DPH6: variants seen among roughly 807,000 people sequenced by gnomAD.
DPH6 encodes the protein diphthine--ammonia ligase.
DPH6 carries 33 observed loss-of-function variants against 38.2 expected under a neutral mutation model. The observed-to-expected ratio is 0.86, with a 90% CI of 0.65 to 1.15. The LOEUF (loss-of-function observed/expected upper bound fraction) is 1.15. Among genes scored for constraint, DPH6 ranks in the 50% most tolerant of loss-of-function variants. DPH6 has a pLI of 0.00. For missense variants in DPH6, 325 were observed against 320.0 expected, an observed-to-expected ratio of 1.02 and a Z score of -0.12; for synonymous variants, 108 against 103.0, an observed-to-expected ratio of 1.05 and a Z score of -0.30.
intron 3 of DPH6, among the ~76,000 whole-genome samples, chr15:35,265,649 G>A (rs2051778514): frequency 1.3e-5 from 2 of 151,868 alleles, no homozygotes; most frequent in Admixed American, 6.6e-5. Flanking sequence ...TTTTATTTTG[G>A]GATTTGAAAC....
chr15:35,344,352 C>T (rs2052445370), intron 3 of DPH6, among the ~76,000 whole-genome samples: 1 of 151,904 alleles, frequency 6.6e-6, no homozygotes, highest in Admixed American at 6.6e-5. Context: ...TATAATTAGG[C>T]TTGGGTCAAA....
intron 3 of DPH6, among the ~76,000 whole-genome samples, chr15:35,532,801 A>T (rs1482274412): frequency 6.6e-6 from 1 of 151,948 alleles, no homozygotes; most frequent in Non-Finnish European, 1.5e-5. Context: ...GGAAGAGAGA[A>T]GAGATTAAAA....
chr15:35,215,779 C>A (rs545490065), downstream of DPH6, among the ~76,000 whole-genome samples: 1 of 152,172 alleles, frequency 6.6e-6, no homozygotes, highest in Non-Finnish European at 1.5e-5. Context: ...AAGCCACTGT[C>A]GGCACTATTA....
chr15:35,457,527 A>G (rs1273431479), intron 3 of DPH6, among the ~76,000 whole-genome samples: 3 of 151,544 alleles, frequency 2.0e-5, no homozygotes, highest in Non-Finnish European at 4.4e-5. Context: ...TGAACTCCTG[A>G]CCTTAAGTGA....
At chr15:35,477,514 G>A (rs907108706) in intron 3 of DPH6, among the ~76,000 whole-genome samples, 1 of 151,788 alleles carries the variant, frequency 6.6e-6, no homozygotes, top group Non-Finnish European at 1.5e-5. Flanking sequence ...CATACACATG[G>A]ATAGTATGAT....
rs564052237 is a variant in DPH6, at chr15:35,242,920, G to A, written n.201-22338C>T. ...ATGCCCTGCTCTTGTTTACACTGCCGGTTTACACTGTTTTTCCAAGCCGTC... is the reference window on the plus strand; with the variant it reads ...ATGCCCTGCTCTTGTTTACACTGCCAGTTTACACTGTTTTTCCAAGCCGTC... On this transcript the variant is annotated intron_variant and non_coding_transcript_variant, in intron 3 of 3. Coordinates refer to the DPH6 transcript ENST00000560386. Among the ~76,000 whole-genome samples, 349 of 141,704 alleles carry A rather than the reference G, an allele frequency of 2.5e-3. 34 individuals carry two copies. The highest frequency in any genetic ancestry group is 8.0e-3 in the African/African-American group (312 of 39,098). 93.0% of individuals were successfully genotyped at this position (141,704 alleles called of 152,430 possible).
chr15:35,464,878 T>C (rs2054109464), intron 3 of DPH6, among the ~76,000 whole-genome samples: 1 of 152,264 alleles, frequency 6.6e-6, no homozygotes, highest in Admixed American at 6.5e-5. Flanking sequence ...CATGTTGTGT[T>C]ATTCATATGC....
rs111887724 is a variant in DPH6, at chr15:35,356,979, G to A, written n.207+16542C>T. Among the ~76,000 whole-genome samples, 540 of 152,296 alleles carry A rather than the reference G, an allele frequency of 3.5e-3. 3 individuals carry two copies. Among genetic ancestry groups the A allele is most frequent in the African/African-American group, 0.012 (499 of 41,568 alleles). ...TTGTTTACCTACTCAAGCCTCGGCA[G>A]TGGCGGGTGCCTCTCCCCCAGCCTC... On this transcript the variant is annotated intron_variant and non_coding_transcript_variant, in intron 3 of 3. Transcript: ENST00000558973.
At chr15:35,244,981 C>T (rs1429327446) in intron 3 of DPH6, among the ~76,000 whole-genome samples, 1 of 152,124 alleles carries the variant, frequency 6.6e-6, no homozygotes, top group Non-Finnish European at 1.5e-5. Context: ...TAGGTAGAAA[C>T]ATCACGAAAG....
chr15:35,488,912 C>G (rs962947147), intron 3 of DPH6, among the ~76,000 whole-genome samples: 1 of 152,072 alleles, frequency 6.6e-6, no homozygotes, highest in South Asian at 2.1e-4. Context: ...AGTTTGTGCA[C>G]AGCAAACCAT....
chr15:35,459,461 G>A (rs2054036086), intron 3 of DPH6, among the ~76,000 whole-genome samples: 1 of 152,108 alleles, frequency 6.6e-6, no homozygotes. Flanking sequence ...CACATGTGAG[G>A]CTAGGGCTTC....
intron 3 of DPH6, among the ~76,000 whole-genome samples, chr15:35,343,254 A>G (rs1157895417): frequency 1.3e-5 from 2 of 152,152 alleles, no homozygotes; most frequent in African/African-American, 2.4e-5. Flanking sequence ...CTTAAAATAC[A>G]TTTTTGTAAT....
intron 3 of DPH6, among the ~76,000 whole-genome samples, chr15:35,500,424 C>G (rs1379204975): frequency 6.6e-6 from 1 of 152,180 alleles, no homozygotes; most frequent in East Asian, 1.9e-4. Flanking sequence ...TTTCTCAGAA[C>G]TGCATCTGCC....
At chr15:35,520,558 G>C in intron 3 of DPH6, 14 of 984,478 alleles carry the variant, frequency 1.4e-5, no homozygotes, top group Non-Finnish European at 1.7e-5. Context: ...TATACAATAA[G>C]ACTAGCATAC....
intron 3 of DPH6, among the ~76,000 whole-genome samples, chr15:35,313,160 G>C (rs948334347): frequency 6.6e-6 from 1 of 152,038 alleles, no homozygotes; most frequent in African/African-American, 2.4e-5. Context: ...TTGAACCTAG[G>C]AGGCAGAGGC....
At chr15:35,358,167 T>A (rs1323707562) in intron 3 of DPH6, among the ~76,000 whole-genome samples, 1 of 152,230 alleles carries the variant, frequency 6.6e-6, no homozygotes, top group East Asian at 1.9e-4. Flanking sequence ...TGTTCAATTC[T>A]ATTGCTGAGA....
chr15:35,279,068 A>AAAAAAAAATAAATATAT (rs1555390826), intron 3 of DPH6, among the ~76,000 whole-genome samples: 6 of 102,992 alleles, frequency 5.8e-5, no homozygotes, highest in Non-Finnish European at 8.9e-5. Context: ...AAAAAAAAAA[A>AAAAAAAAATAAATATAT]ATATATATAT....
intron 7 of DPH6, among the ~76,000 whole-genome samples, chr15:35,377,340 C>G (rs2052795355): frequency 6.6e-6 from 1 of 152,008 alleles, no homozygotes; most frequent in African/African-American, 2.4e-5. Context: ...TCCATCCATC[C>G]ATCCATCCAT....
At chr15:35,415,517 A>T (rs1449760176) in intron 5 of DPH6, among the ~76,000 whole-genome samples, 1 of 152,046 alleles carries the variant, frequency 6.6e-6, no homozygotes, top group Non-Finnish European at 1.5e-5. Flanking sequence ...GAATTGTTAA[A>T]ATATAGAAAT....
Sources: allele counts gnomAD v4.1 joint callset (sites outside exome capture counted in the v4.1 genomes callset), GRCh38; gene constraint gnomAD v4.1.1; transcripts MANE v1.5; gene names NCBI Gene and HGNC (gene_info 2026-07-23, HGNC 2026-07-21).